CPNE4: variants seen among roughly 807,000 people sequenced by gnomAD.
The protein encoded by CPNE4 is copine 4, also known as copine-4.
In CPNE4, 25 loss-of-function variants were observed where a neutral mutation model predicts 67.9. The observed-to-expected ratio is 0.37, with a 90% CI of 0.27 to 0.51. The LOEUF (loss-of-function observed/expected upper bound fraction) is 0.51. CPNE4 is among the 20% of genes least tolerant of loss of function. The pLI is 0.93. For missense variants in CPNE4, 464 were observed against 690.8 expected (o/e 0.67, Z 3.68); for synonymous variants, 242 against 244.9 (o/e 0.99, Z 0.11).
intron 2 of CPNE4, among the ~76,000 whole-genome samples, chr3:131,828,483 C>A (rs1447310486): frequency 6.6e-6 from 1 of 152,114 alleles, no homozygotes; most frequent in Admixed American, 6.5e-5. Flanking sequence ...CTTTTTATTG[C>A]TGAGTGTTGC....
At chr3:131,978,512 ATTTATT>A (rs2072809002) in intron 1 of CPNE4, among the ~76,000 whole-genome samples, 2 of 79,610 alleles carry the variant, frequency 2.5e-5, no homozygotes, top group Non-Finnish European at 2.2e-5. Context: ...ATTTATATAT[ATTTATT>A]TATATAAATA....
intron 2 of CPNE4, among the ~76,000 whole-genome samples, chr3:131,824,236 A>G (rs1348409597): frequency 6.6e-6 from 1 of 151,810 alleles, no homozygotes. Flanking sequence ...CTATGAAATC[A>G]TAACCCAGTT....
intron 2 of CPNE4, among the ~76,000 whole-genome samples, chr3:131,836,012 T>G (rs114014286): frequency 0.018 from 2,792 of 152,258 alleles, 48 homozygotes; most frequent in Non-Finnish European, 0.024. Context: ...TACCCTGAAG[T>G]GACCTATGCA....
intron 5 of CPNE4, among the ~76,000 whole-genome samples, chr3:131,693,884 C>G (rs1177454802): frequency 6.6e-6 from 1 of 152,184 alleles, no homozygotes. Flanking sequence ...GTCAGGCAAT[C>G]TGTTTGAGTC....
intron 5 of CPNE4, among the ~76,000 whole-genome samples, chr3:131,692,912 G>C (rs1013903288): frequency 2.6e-5 from 4 of 152,150 alleles, no homozygotes; most frequent in Admixed American, 1.3e-4. Context: ...ATGTTCCAAA[G>C]TGATTATTAC....
chr3:131,771,686 G>T (rs142921512), intron 2 of CPNE4, among the ~76,000 whole-genome samples: 1 of 152,054 alleles, frequency 6.6e-6, no homozygotes, highest in African/African-American at 2.4e-5. Flanking sequence ...TGTTTTCTTT[G>T]TAAGTTACCC....
At chr3:131,627,193 CAAAAAA>C (rs57977015) in intron 7 of CPNE4, among the ~76,000 whole-genome samples, 6 of 68,400 alleles carry the variant, frequency 8.8e-5, no homozygotes, top group African/African-American at 2.5e-4. Flanking sequence ...GACTCCATCT[CAAAAAA>C]AAAAAAAAAA....
At chr3:132,035,865 T>C (rs2074330549), upstream of CPNE4, among the ~76,000 whole-genome samples, 1 of 152,222 alleles carries the variant, frequency 6.6e-6, no homozygotes, top group Admixed American at 6.5e-5. Context: ...GTATAGAGTG[T>C]GTTACATCTA....
intron 2 of CPNE4, among the ~76,000 whole-genome samples, chr3:131,877,562 T>C (rs190527202): frequency 5.3e-5 from 8 of 152,202 alleles, no homozygotes; most frequent in Admixed American, 5.2e-4. Flanking sequence ...ATGATGATTA[T>C]AATAAAAATG....
At chr3:132,028,702 G>C (rs2074170820) in intron 1 of CPNE4, among the ~76,000 whole-genome samples, 1 of 152,024 alleles carries the variant, frequency 6.6e-6, no homozygotes, top group South Asian at 2.1e-4. Flanking sequence ...TCTTCTTATA[G>C]ATCTGCACTG....
upstream of CPNE4, among the ~76,000 whole-genome samples, chr3:132,035,987 C>A (rs970139624): frequency 6.6e-6 from 1 of 152,166 alleles, no homozygotes; most frequent in African/African-American, 2.4e-5. Context: ...TTTCACTAAC[C>A]ATGAAGTTCT....
rs144321596 is a variant in CPNE4 at position 131,871,454 on chromosome 3, G to C, written c.180+33810C>G. ...CTCTTCAGAATGCTGAAAACAGCTA[G>C]CTGAGCAGAGTTGCTGACATCTTAA... On this transcript the variant is annotated intron_variant, in intron 2 of 15. Coordinates refer to ENST00000429747, the MANE Select transcript of CPNE4 (RefSeq NM_130808.3). Among the ~76,000 whole-genome samples, 122 of 152,070 alleles carry C rather than the reference G, an allele frequency of 8.0e-4. 4 individuals carry two copies. The East Asian group carries it at 0.022, about 27-fold the overall frequency.
intron 2 of CPNE4, among the ~76,000 whole-genome samples, chr3:131,757,339 G>C (rs767646597): frequency 3.9e-5 from 6 of 152,202 alleles, no homozygotes; most frequent in African/African-American, 7.2e-5. Flanking sequence ...TGAGGAACTT[G>C]TTGGGAACTG....
At chr3:131,713,255 A>T (rs2107726470) in intron 3 of CPNE4, among the ~76,000 whole-genome samples, 1 of 152,316 alleles carries the variant, frequency 6.6e-6, no homozygotes, top group Non-Finnish European at 1.5e-5. Context: ...TATATGGAAA[A>T]GGGCCTGTGT....
chr3:132,007,646 G>A (rs1268700780), intron 1 of CPNE4, among the ~76,000 whole-genome samples: 1 of 151,410 alleles, frequency 6.6e-6, no homozygotes, highest in Non-Finnish European at 1.5e-5. Flanking sequence ...TCATTCAACA[G>A]TTCATTCATT....
At chr3:131,728,904 A>G (rs1178861407) in intron 2 of CPNE4, among the ~76,000 whole-genome samples, 1 of 147,862 alleles carries the variant, frequency 6.8e-6, no homozygotes, top group Admixed American at 6.7e-5. Flanking sequence ...AGCCTCAAAA[A>G]AAAAAAAAAA....
At chr3:131,732,437 T>C (rs1200787842) in intron 2 of CPNE4, among the ~76,000 whole-genome samples, 1 of 152,216 alleles carries the variant, frequency 6.6e-6, no homozygotes, top group Non-Finnish European at 1.5e-5. Context: ...GATTGTTTCA[T>C]TCAGGTTTCT....
intron 2 of CPNE4, among the ~76,000 whole-genome samples, chr3:131,877,388 G>A (rs1411494663): frequency 1.3e-5 from 2 of 152,092 alleles, no homozygotes; most frequent in Non-Finnish European, 2.9e-5. Flanking sequence ...GGCTCCTGGT[G>A]GTGATATGGA....
chr3:131,815,429 G>T (rs1485551056), intron 2 of CPNE4, among the ~76,000 whole-genome samples: 1 of 152,184 alleles, frequency 6.6e-6, no homozygotes, highest in Non-Finnish European at 1.5e-5. Flanking sequence ...ATTTATATTT[G>T]CTAGCTAAAT....
Sources: gnomAD v4.1 joint callset for allele counts (sites outside exome capture counted in the v4.1 genomes callset) on GRCh38, gnomAD v4.1.1 for gene constraint, MANE v1.5 for transcripts, NCBI Gene and HGNC (gene_info 2026-07-23, HGNC 2026-07-21) for gene names.